The following SNX29 variants were observed in gnomAD, a reference collection of about 807,000 sequenced individuals.
SNX29 encodes the protein sorting nexin 29.
SNX29 carries 78 observed loss-of-function variants against 102.1 expected under a neutral mutation model. That is an observed-to-expected ratio of 0.76 (90% CI 0.64 to 0.92). The LOEUF is 0.92. Among genes scored for constraint, SNX29 ranks in the 40% least tolerant of loss-of-function variants. SNX29 has a pLI of 0.00. For missense variants in SNX29, 1,280 were observed against 1,061.7 expected (o/e 1.21, Z -2.86); for synonymous variants, 580 against 414.5 (o/e 1.40, Z -4.85).
rs140280390 is a variant in SNX29 at position 12,128,270 on chromosome 16, A to G, written c.1467-1360A>G. 3.1e-3 allele frequency among the ~76,000 whole-genome samples: 473 copies of G among 152,324 alleles called. 1 individual carries two copies. The highest frequency in any genetic ancestry group is 0.011 in the African/African-American group (438 of 41,560). ...ATTTTGTCTTACCTTGTGAAGAACAATAGTCACTGTCTGTTACTTTTTTGT... is the reference window on the plus strand; with the variant it reads ...ATTTTGTCTTACCTTGTGAAGAACAGTAGTCACTGTCTGTTACTTTTTTGT... On this transcript the variant is annotated intron_variant, in intron 12 of 20. Coordinates refer to ENST00000566228, the MANE Select transcript of SNX29 (RefSeq NM_032167.5).
At chr16:12,034,686 C>T (rs1182879235) in intron 4 of SNX29, among the ~76,000 whole-genome samples, 4 of 152,032 alleles carry the variant, frequency 2.6e-5, no homozygotes, top group South Asian at 2.1e-4. Flanking sequence ...ACCTATTGGC[C>T]GAATGTGACC....
intron 16 of SNX29, among the ~76,000 whole-genome samples, chr16:12,389,661 A>G (rs1051793152): frequency 7.2e-5 from 11 of 152,272 alleles, no homozygotes; most frequent in African/African-American, 1.9e-4. Flanking sequence ...TGTTTGTGTA[A>G]CCCTTTAAGA....
In SNX29 at chr16:12,069,077, G is replaced by C. The variant is rs188835565; in HGVS notation, c.1264G>C (p.Glu422Gln). ...SPADAPLGSL[E>Q]NGTGPEDHVL... ...CACAGATGCCCCCCTCGGAAGCCTG[G>C]AGAACGGGACAGGACCAGAGGACCA... Residue 422 changes from glutamate to glutamine, a missense_variant, in exon 10 of 21, where the codon GAG (glutamate) becomes CAG (glutamine). Coordinates refer to ENST00000566228, the MANE Select transcript of SNX29 (RefSeq NM_032167.5). The C allele has an allele frequency of 3.3e-4, 540 of 1,613,864 alleles. 1 individual carries two copies. The African/African-American group carries it at 6.4e-3, about 19-fold the overall frequency.
chr16:12,108,815 G>A (rs1330238481), intron 11 of SNX29, among the ~76,000 whole-genome samples: 1 of 152,116 alleles, frequency 6.6e-6, no homozygotes, highest in African/African-American at 2.4e-5. Flanking sequence ...TTATAACAGA[G>A]TACTTGAAGT....
chr16:12,151,124 C>G (rs1010758258), intron 13 of SNX29, among the ~76,000 whole-genome samples: 5 of 152,044 alleles, frequency 3.3e-5, no homozygotes, highest in African/African-American at 1.2e-4. Flanking sequence ...CCCTGTGTAC[C>G]CATCCCCCAG....
chr16:12,008,773 G>A (rs2056544814), intron 3 of SNX29, among the ~76,000 whole-genome samples: 1 of 142,086 alleles, frequency 7.0e-6, no homozygotes, highest in South Asian at 2.2e-4. Flanking sequence ...ATGGAGCCTT[G>A]CTCTGTCGCA....
chr16:12,275,902 T>TTGG (rs1491543943), intron 14 of SNX29, among the ~76,000 whole-genome samples: 1 of 78,102 alleles, frequency 1.3e-5, no homozygotes, highest in African/African-American at 5.0e-5. Context: ...TTTTTTTTTT[T>TTGG]GGGGGGCGTG....
chr16:12,443,746 C>T (rs942055023), intron 18 of SNX29, among the ~76,000 whole-genome samples: 11 of 152,240 alleles, frequency 7.2e-5, no homozygotes, highest in Admixed American at 2.0e-4. Context: ...CCACCGCACC[C>T]GGCCAAGCAC....
chr16:12,063,567 T>A (rs2050883539), intron 9 of SNX29, among the ~76,000 whole-genome samples: 1 of 151,888 alleles, frequency 6.6e-6, no homozygotes, highest in Non-Finnish European at 1.5e-5. Context: ...TTAGTAGAGA[T>A]GGCGTTTCGC....
chr16:12,524,344 C>T (rs1010110059), intron 19 of SNX29, among the ~76,000 whole-genome samples: 6 of 151,818 alleles, frequency 4.0e-5, no homozygotes, highest in African/African-American at 1.5e-4. Context: ...GTGTCTCCCT[C>T]GCTGGCCTGT....
intron 19 of SNX29, among the ~76,000 whole-genome samples, chr16:12,488,871 C>G (rs749813368): frequency 9.9e-5 from 15 of 152,190 alleles, no homozygotes; most frequent in African/African-American, 2.7e-4. Flanking sequence ...CCACTTCACT[C>G]ATTTCAGGCT....
chr16:12,490,904 T>G (rs1046200391), intron 19 of SNX29, among the ~76,000 whole-genome samples: 1 of 152,208 alleles, frequency 6.6e-6, no homozygotes, highest in African/African-American at 2.4e-5. Context: ...TAAACCCTCT[T>G]TGCACCTTTT....
chr16:12,158,604 G>C, intron 13 of SNX29, among the ~76,000 whole-genome samples: 1 of 152,226 alleles, frequency 6.6e-6, no homozygotes, highest in East Asian at 1.9e-4. Flanking sequence ...CACAGGCCAA[G>C]CTCACATTAG....
At chr16:12,519,280 C>T (rs916412674) in intron 19 of SNX29, among the ~76,000 whole-genome samples, 4 of 152,194 alleles carry the variant, frequency 2.6e-5, no homozygotes, top group Admixed American at 1.3e-4. Flanking sequence ...CCATGTCCCC[C>T]AAAAGGTCAG....
At chr16:12,234,604 C>T (rs2077868457) in intron 14 of SNX29, among the ~76,000 whole-genome samples, 1 of 151,900 alleles carries the variant, frequency 6.6e-6, no homozygotes, top group African/African-American at 2.4e-5. Flanking sequence ...TTGTCATGTA[C>T]TTTTGGCATC....
At chr16:12,182,674 C>T (rs1189284742) in intron 13 of SNX29, among the ~76,000 whole-genome samples, 1 of 152,082 alleles carries the variant, frequency 6.6e-6, no homozygotes, top group African/African-American at 2.4e-5. Flanking sequence ...GTGGCTTACA[C>T]CTCCCAGCAC....
rs187630634 is a variant in SNX29 at position 12,572,676 on chromosome 16, G to A, written c.*4047G>A. The A allele has an allele frequency of 6.4e-4, 684 of 1,063,324 alleles. No individual in the cohort carries two copies. Among genetic ancestry groups the A allele is most frequent in the South Asian group, 4.3e-3 (94 of 21,966 alleles). The allele number at this position is 1,063,324 out of a possible 1,614,324, so 65.9% of individuals were successfully genotyped here. ...CCTGTGTGAGCTGCAGCACCCACAC[G>A]GGGGAAGCCCTGCACTCCAGCAGCA... is the stretch of plus-strand genomic sequence containing the variant. On this transcript the variant is annotated 3_prime_UTR_variant, in exon 21 of 21. Transcript: ENST00000566228.
At chr16:12,269,934 C>T (rs902454806) in intron 14 of SNX29, among the ~76,000 whole-genome samples, 6 of 152,026 alleles carry the variant, frequency 3.9e-5, no homozygotes, top group African/African-American at 4.8e-5. Context: ...GATCTTGGGT[C>T]GCTGCAGTTT....
chr16:12,466,970 T>A (rs1223742061), intron 18 of SNX29, among the ~76,000 whole-genome samples: 1 of 152,204 alleles, frequency 6.6e-6, no homozygotes, highest in African/African-American at 2.4e-5. Flanking sequence ...GGTGGGCACC[T>A]GGACCAGAAA....
Sources: gnomAD v4.1 joint callset for allele counts (sites outside exome capture counted in the v4.1 genomes callset) on GRCh38, gnomAD v4.1.1 for gene constraint, MANE v1.5 for transcripts, NCBI Gene and HGNC (gene_info 2026-07-23, HGNC 2026-07-21) for gene names.